The following PTPRA variants were observed in gnomAD, a reference collection of about 807,000 sequenced individuals.
The protein encoded by PTPRA is protein tyrosine phosphatase receptor type A, also known as receptor-type tyrosine-protein phosphatase alpha.
Under a neutral mutation model 104.8 loss-of-function variants are expected in PTPRA, and 25 were observed. That is an observed-to-expected ratio of 0.24 (90% confidence interval 0.17 to 0.33). The LOEUF (loss-of-function observed/expected upper bound fraction) is 0.33. Among genes scored for constraint, PTPRA ranks in the 10% least tolerant of loss-of-function variants. The pLI, the probability that PTPRA is intolerant of heterozygous loss-of-function variation, is 1.00. For synonymous variants in PTPRA, 323 were observed against 368.9 expected (o/e 0.88, Z 1.43); for missense variants, 765 against 1,015.3 (o/e 0.75, Z 3.35).
chr20:2,913,454 T>TA (rs2059793808), intron 1 of PTPRA, among the ~76,000 whole-genome samples: 1 of 152,138 alleles, frequency 6.6e-6, no homozygotes, highest in Non-Finnish European at 1.5e-5. Context: ...CCATTCGAGT[T>TA]ATTCTAGTTG....
At chr20:2,866,025 G>A in the PTPRA span, 15 of 614,848 alleles carry the variant, frequency 2.4e-5, no homozygotes, top group Non-Finnish European at 4.3e-5. Context: ...TGGTTTAGGT[G>A]ATTTCTGCCC....
rs11480529 is a variant in PTPRA at position 3,009,853 on chromosome 20, A to ATT, written c.906+2444_906+2445dup. 1.3e-3 allele frequency among the ~76,000 whole-genome samples: 193 copies of ATT among 146,484 alleles called. 2 individuals are homozygous for ATT. The highest frequency in any genetic ancestry group is 4.4e-3 in the African/African-American group (176 of 40,078). On this transcript the variant is annotated intron_variant, in intron 11 of 23. Coordinates refer to ENST00000399903, the MANE Select transcript of PTPRA (RefSeq NM_001385305.1). ...AACTAAAAGTTGTCTAGATGGGAAC[A>ATT]TTTTTTTTTTTTCTGGAGACAGTCT...
chr20:2,872,926 C>A (rs1717729646), upstream of PTPRA, among the ~76,000 whole-genome samples: 1 of 152,178 alleles, frequency 6.6e-6, no homozygotes, highest in African/African-American at 2.4e-5. The surrounding 1 kb of genome is among the most constrained non-coding windows in gnomAD (Gnocchi z 7.9). Flanking sequence ...GGGAGATTAC[C>A]CTGGAGCTCG....
At chr20:2,864,269 A>G in the PTPRA span, 1 of 1,614,004 alleles carries the variant, frequency 6.2e-7, no homozygotes, top group South Asian at 1.1e-5. This position sits in a 1 kb window ranked among gnomAD's most constrained non-coding sequence, Gnocchi z 5.2. Context: ...GGCCATCGAG[A>G]GCGGGGACAC....
chr20:2,927,038 G>A (rs1032027318), intron 2 of PTPRA, among the ~76,000 whole-genome samples: 21 of 151,748 alleles, frequency 1.4e-4, no homozygotes, highest in Non-Finnish European at 1.8e-4. Flanking sequence ...TGATCCGCCC[G>A]CCTCGGCCTC....
the PTPRA span, among the ~76,000 whole-genome samples, chr20:2,868,126 C>G: frequency 2.0e-5 from 3 of 152,094 alleles, no homozygotes; most frequent in Non-Finnish European, 2.9e-5. Flanking sequence ...GGTGGTCTGC[C>G]AGAACACCTG....
At chr20:2,874,322 C>CGGA (rs1568634621) in intron 1 of PTPRA, among the ~76,000 whole-genome samples, 2 of 151,776 alleles carry the variant, frequency 1.3e-5, no homozygotes, top group Non-Finnish European at 2.9e-5. Context: ...CAGGTCCCCT[C>CGGA]CCTTTTTACT....
chr20:2,907,143 C>T (rs958494939), intron 1 of PTPRA, among the ~76,000 whole-genome samples: 3 of 152,126 alleles, frequency 2.0e-5, no homozygotes, highest in African/African-American at 7.2e-5. Context: ...TAAATAACAA[C>T]AGTTTAAGTT....
chr20:2,872,358 T>C (rs1475027841), upstream of PTPRA, among the ~76,000 whole-genome samples: 3 of 152,156 alleles, frequency 2.0e-5, no homozygotes, highest in Non-Finnish European at 4.4e-5. This position sits in a 1 kb window ranked among gnomAD's most constrained non-coding sequence, Gnocchi z 7.9. Flanking sequence ...TGAGGGGGAC[T>C]CAGGGGTTGC....
chr20:2,942,583 A>G (rs992144948), intron 2 of PTPRA, among the ~76,000 whole-genome samples: 8 of 152,166 alleles, frequency 5.3e-5, no homozygotes, highest in African/African-American at 9.6e-5. Flanking sequence ...AAAGATTTGA[A>G]TAGAACAAAA....
intron 9 of PTPRA, among the ~76,000 whole-genome samples, chr20:3,002,380 G>T (rs2063673984): frequency 7.0e-6 from 1 of 142,148 alleles, no homozygotes; most frequent in Non-Finnish European, 1.5e-5. Context: ...AGGCTGGAGT[G>T]CAATGGCGCA....
intron 12 of PTPRA, among the ~76,000 whole-genome samples, chr20:3,016,274 C>A (rs1443156382): frequency 6.6e-6 from 1 of 152,148 alleles, no homozygotes; most frequent in Non-Finnish European, 1.5e-5. Context: ...GGCTGGTTCT[C>A]CCCCAGCTCA....
At chr20:2,878,836 T>C (rs1272625944) in intron 1 of PTPRA, among the ~76,000 whole-genome samples, 1 of 152,224 alleles carries the variant, frequency 6.6e-6, no homozygotes, top group Non-Finnish European at 1.5e-5. Context: ...AGTAGCTGAT[T>C]TAGATTTTTT....
intron 22 of PTPRA, among the ~76,000 whole-genome samples, 187 bp from the exon 23 acceptor site, chr20:3,036,967 G>C (rs2065829212): frequency 6.6e-6 from 1 of 152,176 alleles, no homozygotes; most frequent in South Asian, 2.1e-4. Flanking sequence ...CACAGCACAT[G>C]GGGCCATGCA....
intron 1 of PTPRA, among the ~76,000 whole-genome samples, chr20:2,878,794 G>A (rs74532464): frequency 0.015 from 2,357 of 152,246 alleles, 123 homozygotes; most frequent in Admixed American, 0.09. Flanking sequence ...CTTGAATTAG[G>A]TTTAATTTAC....
chr20:2,866,720 TTGG>T, the PTPRA span: 1 of 1,230,146 alleles, frequency 8.1e-7, no homozygotes, highest in Non-Finnish European at 1.1e-6. Flanking sequence ...TTAAATAAAG[TTGG>T]AACACTTCAC....
At chr20:2,965,232 G>T in intron 5 of PTPRA, 30 bp downstream of exon 5, 1 of 1,535,928 alleles carries the variant, frequency 6.5e-7, no homozygotes, top group Non-Finnish European at 8.9e-7. Flanking sequence ...TTGTTCTTTT[G>T]CTCTTTGAGT....
At chr20:2,906,376 C>T (rs1009804921) in intron 1 of PTPRA, among the ~76,000 whole-genome samples, 1 of 152,110 alleles carries the variant, frequency 6.6e-6, no homozygotes, top group East Asian at 1.9e-4. Flanking sequence ...TTATATGCTT[C>T]GGCTGAAGAA....
chr20:2,902,357 GCTTT>G (rs1370155014), intron 1 of PTPRA, among the ~76,000 whole-genome samples: 2 of 152,146 alleles, frequency 1.3e-5, no homozygotes, highest in Admixed American at 6.5e-5. Flanking sequence ...TCTGAAGCTT[GCTTT>G]CTTTCTTTTT....
Sources: allele counts gnomAD v4.1 joint callset (sites outside exome capture counted in the v4.1 genomes callset), GRCh38; gene constraint gnomAD v4.1.1; non-coding constraint Gnocchi (gnomAD v3.1); transcripts MANE v1.5; gene names NCBI Gene and HGNC (gene_info 2026-07-23, HGNC 2026-07-21).